Variants in SLC35F4 observed in about 807,000 individuals in gnomAD.
SLC35F4 encodes chromosome 14 open reading frame 36.
In SLC35F4, 24 loss-of-function variants were observed where a neutral mutation model predicts 44.2. The observed-to-expected ratio is 0.54, with a 90% CI of 0.39 to 0.76. The LOEUF (loss-of-function observed/expected upper bound fraction) is 0.76, where lower values mean the gene tolerates loss of function less well. SLC35F4 is among the 30% of genes least tolerant of loss of function. The pLI, the probability that SLC35F4 is intolerant of heterozygous loss-of-function variation, is 0.00. For missense variants in SLC35F4, 562 were observed against 586.1 expected (o/e 0.96, Z 0.42); for synonymous variants, 238 against 223.6 (o/e 1.06, Z -0.57).
intron 1 of SLC35F4, among the ~76,000 whole-genome samples, chr14:57,716,833 T>G: frequency 6.6e-6 from 1 of 152,186 alleles, no homozygotes; most frequent in South Asian, 2.1e-4. Flanking sequence ...ATTTCTCCTA[T>G]CTAGCTAAAA....
intron 1 of SLC35F4, among the ~76,000 whole-genome samples, chr14:57,923,475 C>G (rs918220543): frequency 3.9e-5 from 6 of 152,204 alleles, no homozygotes; most frequent in African/African-American, 1.4e-4. Context: ...AGGAATATCC[C>G]TAGCTCCTGG....
chr14:57,571,887 A>G lies in SLC35F4; in HGVS notation c.933+7T>C. 1 of 1,610,962 alleles carries G rather than the reference A, an allele frequency of 6.2e-7. No homozygotes were observed. Among genetic ancestry groups the G allele is most frequent in the Non-Finnish European group, 8.5e-7 (1 of 1,178,448 alleles). ...CAGTTGCTTACAAAAGAAAGTGCAC[A>G]ACATACCTTATATAATGCAGATGTA... On this transcript the variant is annotated splice_region_variant and intron_variant, in intron 5 of 7. Coordinates refer to ENST00000556826, the MANE Select transcript of SLC35F4 (RefSeq NM_001306087.2).
intron 1 of SLC35F4, among the ~76,000 whole-genome samples, chr14:57,667,504 G>C (rs548788621): frequency 9.1e-4 from 97 of 106,804 alleles, no homozygotes; most frequent in African/African-American, 3.4e-3. Context: ...CCCACAACAG[G>C]CCCCAGTGTG....
chr14:57,772,979 A>G (rs1409345153), intron 1 of SLC35F4, among the ~76,000 whole-genome samples: 3 of 152,206 alleles, frequency 2.0e-5, no homozygotes, highest in East Asian at 3.8e-4. Context: ...CCAACAACAT[A>G]TAAGCATTCC....
intron 1 of SLC35F4, among the ~76,000 whole-genome samples, chr14:57,746,155 G>C (rs1364165043): frequency 6.6e-6 from 1 of 151,988 alleles, no homozygotes; most frequent in Non-Finnish European, 1.5e-5. Flanking sequence ...AATGGGTGCA[G>C]CACACCAACA....
intron 1 of SLC35F4, among the ~76,000 whole-genome samples, chr14:57,977,916 G>A (rs1398888756): frequency 6.6e-6 from 1 of 152,236 alleles, no homozygotes; most frequent in African/African-American, 2.4e-5. Context: ...GAAGGGGTCT[G>A]AGGTACATAT....
At chr14:57,663,792 T>G (rs1345541215) in intron 1 of SLC35F4, among the ~76,000 whole-genome samples, 1 of 152,138 alleles carries the variant, frequency 6.6e-6, no homozygotes, top group African/African-American at 2.4e-5. Context: ...TCAGTATCAC[T>G]TTTTAGTCCA....
chr14:57,875,006 T>C (rs897180712), intron 1 of SLC35F4, among the ~76,000 whole-genome samples: 5 of 127,332 alleles, frequency 3.9e-5, no homozygotes, highest in Non-Finnish European at 7.8e-5. Flanking sequence ...ATAAATGATT[T>C]CATGGTGTCT....
At chr14:57,818,539 G>A (rs1229784601) in intron 1 of SLC35F4, among the ~76,000 whole-genome samples, 1 of 152,204 alleles carries the variant, frequency 6.6e-6, no homozygotes, top group Non-Finnish European at 1.5e-5. Flanking sequence ...GCAGAAAGAA[G>A]AGTGTCTGTA....
At chr14:57,835,229 C>T (rs8019111) in intron 1 of SLC35F4, among the ~76,000 whole-genome samples, 21,318 of 152,118 alleles carry the variant, frequency 0.14, 2,728 homozygotes, top group East Asian at 0.46. Flanking sequence ...TCCTCCTCAC[C>T]AGACACCAAC....
chr14:57,757,126 T>C (rs1322480394), intron 1 of SLC35F4, among the ~76,000 whole-genome samples: 1 of 152,220 alleles, frequency 6.6e-6, no homozygotes, highest in Admixed American at 6.5e-5. Context: ...TTGAAATTGA[T>C]CCCATTATCA....
At chr14:57,674,920 T>C (rs1482256310) in intron 1 of SLC35F4, among the ~76,000 whole-genome samples, 1 of 152,110 alleles carries the variant, frequency 6.6e-6, no homozygotes, top group East Asian at 1.9e-4. Context: ...AGATACTATC[T>C]CTGTATTCCA....
intron 1 of SLC35F4, among the ~76,000 whole-genome samples, chr14:57,642,411 G>A (rs926458808): frequency 3.3e-5 from 5 of 151,984 alleles, no homozygotes; most frequent in Admixed American, 6.6e-5. Flanking sequence ...GAATATAAAC[G>A]ATTATCCTAG....
chr14:57,596,055 T>A (rs1332541005), intron 1 of SLC35F4: 1 of 152,242 alleles, frequency 6.6e-6, no homozygotes, highest in African/African-American at 2.4e-5. Context: ...AAGATCATAA[T>A]TGAAATGTTT....
intron 4 of SLC35F4, chr14:57,579,412 A>G (rs1370905798): frequency 6.6e-6 from 1 of 152,208 alleles, no homozygotes; most frequent in Admixed American, 6.5e-5. Context: ...AAATACCTCA[A>G]ATAAACACTG....
At chr14:57,686,691 C>T (rs2140319061) in intron 1 of SLC35F4, among the ~76,000 whole-genome samples, 1 of 152,276 alleles carries the variant, frequency 6.6e-6, no homozygotes, top group Non-Finnish European at 1.5e-5. Flanking sequence ...ACCTTTTCTT[C>T]TAACCCATGT....
chr14:57,771,958 T>C (rs1322521344), intron 1 of SLC35F4, among the ~76,000 whole-genome samples: 1 of 152,202 alleles, frequency 6.6e-6, no homozygotes, highest in Non-Finnish European at 1.5e-5. Context: ...CTTCACCATA[T>C]GTTCTCATAG....
rs1223509191 is a variant in SLC35F4 at position 57,759,477 on chromosome 14, G to A, written c.103+106246C>T. Among the ~76,000 whole-genome samples the A allele has an allele frequency of 2.0e-5, 3 of 152,250 alleles. No individual in the cohort carries two copies. In the South Asian group the frequency reaches 6.2e-4, roughly 32 times the overall value. On this transcript the variant is annotated intron_variant, in intron 1 of 7. Transcript: ENST00000556826. ...TGCCTGTGATCCCAGCTACTAGGAA[G>A]ACTGAGGTGGGAGGATCACCTGAGC... is the stretch of plus-strand genomic sequence containing the variant.
intron 5 of SLC35F4, among the ~76,000 whole-genome samples, chr14:57,570,441 G>A (rs1428266597): frequency 1.3e-5 from 2 of 152,186 alleles, no homozygotes; most frequent in Non-Finnish European, 2.9e-5. Flanking sequence ...TTTTGCCTTG[G>A]ATTTATAAGC....
Sources: gnomAD v4.1 joint callset for allele counts (sites outside exome capture counted in the v4.1 genomes callset) on GRCh38, gnomAD v4.1.1 for gene constraint, MANE v1.5 for transcripts, NCBI Gene and HGNC (gene_info 2026-07-23, HGNC 2026-07-21) for gene names.